ANO3: variants seen among roughly 807,000 people sequenced by gnomAD.
ANO3 encodes the protein anoctamin 3, also known as anoctamin-3.
A neutral mutation model predicts 144.8 loss-of-function variants in ANO3; 99 were observed. The ratio of observed to expected loss-of-function variants is 0.68; its 90% confidence interval spans 0.58 to 0.81. The LOEUF (loss-of-function observed/expected upper bound fraction) is 0.81, where lower values mean the gene tolerates loss of function less well. Among genes scored for constraint, ANO3 ranks in the 30% least tolerant of loss-of-function variants. The pLI is 0.00. For missense variants in ANO3, 905 were observed against 1,202.2 expected, an observed-to-expected ratio of 0.75 and a Z score of 3.66; for synonymous variants, 414 against 392.6, an observed-to-expected ratio of 1.05 and a Z score of -0.64.
At chr11:26,189,543 T>C (rs1851435832) in intron 1 of ANO3, among the ~76,000 whole-genome samples, 1 of 152,190 alleles carries the variant, frequency 6.6e-6, no homozygotes, top group South Asian at 2.1e-4. Context: ...TAGAATTAAA[T>C]GTCAGAAAAC....
At chr11:26,218,667 A>G (rs1018966564) in intron 1 of ANO3, among the ~76,000 whole-genome samples, 2 of 152,224 alleles carry the variant, frequency 1.3e-5, no homozygotes, top group Admixed American at 1.3e-4. Flanking sequence ...GGAATTTTAT[A>G]CAAGTAAATG....
chr11:26,641,751 T>TA, intron 21 of ANO3, 145 bp from the exon 22 acceptor site: 3 of 855,382 alleles, frequency 3.5e-6, no homozygotes, highest in Non-Finnish European at 4.8e-6. Flanking sequence ...TTAACTTTTT[T>TA]AAAAAACTTT....
rs181897179 is a variant in ANO3 at position 26,194,690 on chromosome 11, A to G, written c.154+5360A>G. 1.8e-3 allele frequency among the ~76,000 whole-genome samples: 266 copies of G among 151,730 alleles called. 1 individual carries two copies. Among genetic ancestry groups the G allele is most frequent in the Non-Finnish European group, 1.9e-3 (127 of 67,884 alleles). On this transcript the variant is annotated intron_variant, in intron 1 of 27. Coordinates refer to the ANO3 transcript ENST00000672621. ...TAATTTTGTATTTTTAGTAGAAACG[A>G]GGTTTCTCCACGTTCAGGCTCATAC...
intron 12 of ANO3, among the ~76,000 whole-genome samples, chr11:26,550,631 A>G (rs908404553): frequency 5.3e-5 from 8 of 152,030 alleles, no homozygotes; most frequent in African/African-American, 1.9e-4. Flanking sequence ...ATAATATTGC[A>G]TTACACATAT....
chr11:26,309,518 A>G (rs1443838721), upstream of ANO3: 2 of 274,168 alleles, frequency 7.3e-6, no homozygotes, highest in Non-Finnish European at 1.1e-5. Flanking sequence ...CCTATATCAG[A>G]TAGTAGTTAT....
chr11:26,194,813 G>T lies in ANO3; in HGVS notation c.154+5483G>T, dbSNP rs151177247. Among the ~76,000 whole-genome samples the T allele has an allele frequency of 2.0e-3, 303 of 152,150 alleles. 1 individual carries two copies. The highest frequency in any genetic ancestry group is 7.1e-3 in the African/African-American group (293 of 41,506). On this transcript the variant is annotated intron_variant, in intron 1 of 27. Coordinates refer to the ANO3 transcript ENST00000672621. ...ACTCCTGACCTCAGGTGATCCACTA[G>T]CCTTGGCCTTGCAAAGTGCTGGGAT...
chr11:26,470,742 T>C (rs1031461958), intron 4 of ANO3, among the ~76,000 whole-genome samples: 4 of 151,958 alleles, frequency 2.6e-5, no homozygotes, highest in African/African-American at 7.2e-5. Flanking sequence ...ATACAAGAGA[T>C]GTTTATAGTT....
intron 2 of ANO3, 144 bp downstream of exon 2, chr11:26,442,256 G>C: frequency 1.3e-6 from 1 of 758,412 alleles, no homozygotes; most frequent in Non-Finnish European, 2.1e-6. Flanking sequence ...AGTACACCAT[G>C]CCATTTGTTG....
chr11:26,208,553 C>T (rs1314575438), intron 1 of ANO3, among the ~76,000 whole-genome samples: 1 of 151,270 alleles, frequency 6.6e-6, no homozygotes, highest in Non-Finnish European at 1.5e-5. Context: ...CACAAACATT[C>T]AGACCATAGC....
intron 1 of ANO3, among the ~76,000 whole-genome samples, chr11:26,257,921 C>T (rs1001444570): frequency 2.0e-5 from 3 of 152,018 alleles, no homozygotes; most frequent in African/African-American, 7.2e-5. Context: ...ATTTATACTA[C>T]AGAAAAATTT....
At chr11:26,237,357 A>G (rs538995569) in intron 1 of ANO3, among the ~76,000 whole-genome samples, 61 of 152,182 alleles carry the variant, frequency 4.0e-4, no homozygotes, top group Middle Eastern at 3.4e-3. Context: ...TTACATTTCT[A>G]TTTTTAAAAG....
intron 1 of ANO3, among the ~76,000 whole-genome samples, chr11:26,435,907 C>T (rs760127360): frequency 2.0e-5 from 3 of 152,202 alleles, no homozygotes; most frequent in Non-Finnish European, 4.4e-5. Flanking sequence ...TCAACTCAAC[C>T]TGGTTAACAA....
intron 8 of ANO3, 40 bp from the exon 9 acceptor site, chr11:26,534,415 GT>G: frequency 2.3e-6 from 3 of 1,331,954 alleles, no homozygotes; most frequent in Non-Finnish European, 3.2e-6. Context: ...TGGATTCTGT[GT>G]TCTGCTTTGA....
intron 1 of ANO3, among the ~76,000 whole-genome samples, chr11:26,416,554 G>A (rs1418730064): frequency 1.3e-5 from 2 of 151,912 alleles, no homozygotes; most frequent in Non-Finnish European, 2.9e-5. Flanking sequence ...AACCTCCCGA[G>A]TAGCTGGGAC....
intron 22 of ANO3, among the ~76,000 whole-genome samples, chr11:26,642,468 C>T (rs1481955475): frequency 1.6e-5 from 2 of 124,838 alleles, no homozygotes; most frequent in African/African-American, 2.7e-5. Flanking sequence ...TCTCCTACCT[C>T]AGCCTCTCAA....
intron 14 of ANO3, among the ~76,000 whole-genome samples, chr11:26,596,624 C>T (rs915350980): frequency 6.6e-6 from 1 of 152,150 alleles, no homozygotes; most frequent in African/African-American, 2.4e-5. Flanking sequence ...ATACAACCTG[C>T]TCTAATACTT....
intron 1 of ANO3, among the ~76,000 whole-genome samples, chr11:26,376,993 G>A (rs771484746): frequency 6.6e-6 from 1 of 152,100 alleles, no homozygotes; most frequent in Non-Finnish European, 1.5e-5. Context: ...GTGGCTCAGT[G>A]AGGAGAAAAA....
intron 4 of ANO3, among the ~76,000 whole-genome samples, chr11:26,491,641 C>A (rs1351082797): frequency 6.6e-6 from 1 of 152,154 alleles, no homozygotes; most frequent in Non-Finnish European, 1.5e-5. Context: ...TCTCCCTCAC[C>A]ATTTTATTAT....
chr11:26,197,753 C>T (rs1054462351), intron 1 of ANO3, among the ~76,000 whole-genome samples: 1 of 152,124 alleles, frequency 6.6e-6, no homozygotes, highest in East Asian at 1.9e-4. Context: ...CCTCTTTATT[C>T]TTGTCAGCCT....
Sources: gnomAD v4.1 joint callset for allele counts (sites outside exome capture counted in the v4.1 genomes callset) on GRCh38, gnomAD v4.1.1 for gene constraint, MANE v1.5 for transcripts, NCBI Gene and HGNC (gene_info 2026-07-23, HGNC 2026-07-21) for gene names.